Variants in KCNU1 observed in about 807,000 individuals in gnomAD.
KCNU1 encodes potassium channel subfamily U member 1.
KCNU1 carries 93 observed loss-of-function variants against 126.8 expected under a neutral mutation model. That is an observed-to-expected ratio of 0.73 (90% CI 0.62 to 0.87). The LOEUF (loss-of-function observed/expected upper bound fraction) is 0.87, where lower values mean the gene tolerates loss of function less well. Among genes scored for constraint, KCNU1 ranks in the 40% least tolerant of loss-of-function variants. The pLI, the probability that KCNU1 is intolerant of heterozygous loss-of-function variation, is 0.00. For synonymous variants in KCNU1, 523 were observed against 494.2 expected, an observed-to-expected ratio of 1.06 and a Z score of -0.77; for missense variants, 1,330 against 1,367.1, an observed-to-expected ratio of 0.97 and a Z score of 0.43.
intron 18 of KCNU1, among the ~76,000 whole-genome samples, chr8:36,847,688 C>G (rs529035946): frequency 1.1e-3 from 166 of 152,260 alleles, no homozygotes; most frequent in Non-Finnish European, 2.0e-3. Flanking sequence ...ATTGTTTATA[C>G]GTATCACATT....
In KCNU1 at chr8:36,867,988, C is replaced by A. The variant is rs571652184; in HGVS notation, c.2009+3467C>A. Reference sequence around the variant, plus strand: ...TGATTGCTAAAGCTGATGATTAATTCCCTTGCACTTCTTAATTCAAAATCA... The same window carrying A: ...TGATTGCTAAAGCTGATGATTAATTACCTTGCACTTCTTAATTCAAAATCA... On this transcript the variant is annotated intron_variant, in intron 19 of 26. Coordinates refer to ENST00000399881, the MANE Select transcript of KCNU1 (RefSeq NM_001031836.3). 2.6e-5 allele frequency among the ~76,000 whole-genome samples: 4 copies of A among 152,238 alleles called. No individual in the cohort carries two copies. The South Asian group carries it at 8.3e-4, about 32-fold the overall frequency.
chr8:36,865,841 T>G (rs1314066896), intron 19 of KCNU1, among the ~76,000 whole-genome samples: 1 of 150,712 alleles, frequency 6.6e-6, no homozygotes, highest in Non-Finnish European at 1.5e-5. Context: ...AGAATATTAT[T>G]CACTCCTAAT....
intron 24 of KCNU1, among the ~76,000 whole-genome samples, chr8:36,927,988 A>G (rs1286037315): frequency 8.7e-6 from 1 of 114,818 alleles, no homozygotes. Flanking sequence ...GGAAAGAAAG[A>G]TGGAAGGAAG....
intron 19 of KCNU1, among the ~76,000 whole-genome samples, chr8:36,874,123 T>C (rs755313758): frequency 1.3e-5 from 2 of 152,290 alleles, no homozygotes; most frequent in South Asian, 2.1e-4. Flanking sequence ...ATTTTACTTA[T>C]TTCACTCTGA....
At chr8:36,895,089 AT>A (rs970637364) in intron 19 of KCNU1, among the ~76,000 whole-genome samples, 207 of 145,660 alleles carry the variant, frequency 1.4e-3, no homozygotes, top group East Asian at 7.4e-3. Context: ...GTTTTTTGTG[AT>A]TTTTTTTTTT....
At chr8:36,838,609 G>A (rs946377314) in intron 14 of KCNU1, among the ~76,000 whole-genome samples, 15 of 152,136 alleles carry the variant, frequency 9.9e-5, no homozygotes, top group African/African-American at 3.4e-4. Context: ...AGGCAGGGGA[G>A]TTGCTTGAAC....
At chr8:36,885,272 T>A (rs4263761) in intron 19 of KCNU1, among the ~76,000 whole-genome samples, 56,089 of 151,972 alleles carry the variant, frequency 0.37, 10,729 homozygotes, top group Admixed American at 0.43. Flanking sequence ...TAACAACCAG[T>A]GGCCGGATAC....
chr8:36,904,836 C>G (rs1807559460), intron 19 of KCNU1, among the ~76,000 whole-genome samples: 1 of 152,074 alleles, frequency 6.6e-6, no homozygotes, highest in African/African-American at 2.4e-5. Flanking sequence ...GGAGAGACAC[C>G]TTTTCATCTG....
At chr8:36,867,925 C>T (rs1310799367) in intron 19 of KCNU1, among the ~76,000 whole-genome samples, 6 of 152,028 alleles carry the variant, frequency 3.9e-5, no homozygotes, top group African/African-American at 1.4e-4. Flanking sequence ...GCTTTTGACC[C>T]CAAGTAGACC....
intron 10 of KCNU1, among the ~76,000 whole-genome samples, chr8:36,819,638 G>A (rs1032357397): frequency 1.3e-5 from 2 of 151,772 alleles, no homozygotes; most frequent in African/African-American, 4.8e-5. Flanking sequence ...CCCTTTATGT[G>A]ACCAATTTAT....
intron 18 of KCNU1, among the ~76,000 whole-genome samples, chr8:36,853,711 G>T (rs972462284): frequency 1.3e-5 from 2 of 152,146 alleles, no homozygotes; most frequent in Non-Finnish European, 2.9e-5. Flanking sequence ...TACTTGGGAA[G>T]ATCATGTATT....
chr8:36,887,120 G>C (rs2117425385), intron 19 of KCNU1, among the ~76,000 whole-genome samples: 1 of 152,182 alleles, frequency 6.6e-6, no homozygotes, highest in African/African-American at 2.4e-5. Context: ...GTGTGCAGGG[G>C]TCTTTTTGAC....
At chr8:36,823,866 T>C (rs1380051369) in intron 10 of KCNU1, among the ~76,000 whole-genome samples, 3 of 151,416 alleles carry the variant, frequency 2.0e-5, no homozygotes, top group Non-Finnish European at 4.4e-5. Flanking sequence ...AGAAGGAGTT[T>C]TGCTCTTATT....
In KCNU1 at chr8:36,833,521, T is replaced by TC. The variant is rs780010059; in HGVS notation, c.1107-30dup. The TC allele has an allele frequency of 3.2e-5, 41 of 1,276,278 alleles. No homozygotes were observed. In the African/African-American group the frequency reaches 5.0e-4, roughly 16 times the overall value. 79.1% of individuals were successfully genotyped at this position (1,276,278 alleles called of 1,614,324 possible). On this transcript the variant is annotated intron_variant, in intron 10 of 26. Transcript: ENST00000399881. The stretch of plus-strand genomic sequence containing the variant: ...TAAACCCAGAGTCAATCATCTTTTT[T>TC]CCCTCATTGCTGCCACGTTCTTTTT...
chr8:36,799,921 T>C (rs1803243047), intron 2 of KCNU1, among the ~76,000 whole-genome samples: 1 of 152,158 alleles, frequency 6.6e-6, no homozygotes, highest in Admixed American at 6.6e-5. Context: ...TTCACTTTCA[T>C]CAGTATCCAT....
At chr8:36,840,428 C>T (rs1179788352) in intron 14 of KCNU1, 35 bp from the exon 15 acceptor site, 8 of 972,166 alleles carry the variant, frequency 8.2e-6, no homozygotes, top group South Asian at 2.7e-5. Flanking sequence ...CATTCCTTGT[C>T]GTTTTGCTTC....
At position 36,808,806 on chromosome 8, in the gene KCNU1, T is replaced by A. The variant is rs768621698; in HGVS notation, c.732+13T>A. The A allele has an allele frequency of 3.2e-6, 5 of 1,585,102 alleles. No homozygotes were observed. The East Asian group carries it at 9.0e-5, about 28-fold the overall frequency. On this transcript the variant is annotated intron_variant, in intron 7 of 26. Coordinates refer to ENST00000399881, the MANE Select transcript of KCNU1 (RefSeq NM_001031836.3). ...ATTCATTCACCTGGTAAGCATCTCA[T>A]CACAATCCCTAGTGGTGTCTGTTGT...
intron 20 of KCNU1, 23 bp from the exon 21 acceptor site, chr8:36,909,288 G>T (rs1384252156): frequency 6.1e-6 from 9 of 1,481,368 alleles, no homozygotes; most frequent in Middle Eastern, 3.4e-4. Context: ...AAAATGACCA[G>T]ACTGTGGCAT....
chr8:36,860,466 T>C (rs1391490147), intron 18 of KCNU1, among the ~76,000 whole-genome samples: 2 of 152,174 alleles, frequency 1.3e-5, no homozygotes, highest in East Asian at 3.8e-4. Context: ...CTGACCTTCT[T>C]CTTAATGGAA....
Sources: allele counts gnomAD v4.1 joint callset (sites outside exome capture counted in the v4.1 genomes callset), GRCh38; gene constraint gnomAD v4.1.1; transcripts MANE v1.5; gene names NCBI Gene and HGNC (gene_info 2026-07-23, HGNC 2026-07-21).